The following MAST4 variants were observed in gnomAD, a reference collection of about 807,000 sequenced individuals.
MAST4 encodes the protein microtubule associated serine/threonine kinase family member 4, also known as microtubule-associated serine/threonine-protein kinase 4.
A neutral mutation model predicts 162.7 loss-of-function variants in MAST4; 89 were observed. The observed-to-expected ratio is 0.55, with a 90% CI of 0.46 to 0.65. The LOEUF (loss-of-function observed/expected upper bound fraction) is 0.65. Among genes scored for constraint, MAST4 ranks in the 30% least tolerant of loss-of-function variants. The pLI, the probability that MAST4 is intolerant of heterozygous loss-of-function variation, is 0.00. For synonymous variants in MAST4, 1,479 were observed against 1,361.1 expected (o/e 1.09, Z -1.91); for missense variants, 3,153 against 3,374.0 (o/e 0.93, Z 1.62).
intron 6 of MAST4, among the ~76,000 whole-genome samples, chr5:67,092,539 T>G (rs1763983156): frequency 6.6e-6 from 1 of 152,228 alleles, no homozygotes; most frequent in African/African-American, 2.4e-5. Context: ...CACCTGATTG[T>G]GGACCTACTT....
intron 2 of MAST4, among the ~76,000 whole-genome samples, chr5:66,782,486 G>A (rs33696): frequency 0.78 from 118,724 of 152,118 alleles, 46,920 homozygotes; most frequent in Non-Finnish European, 0.85. Context: ...ACCAGTACAA[G>A]AAGTCCATTC....
Position 67,168,489 on chromosome 5 carries a change from CT to C in MAST4, c.*1439del, listed in dbSNP as rs1188216480. 27 of 152,194 alleles carry C rather than the reference CT, an allele frequency of 1.8e-4. No homozygotes were observed. The highest frequency in any genetic ancestry group is 6.5e-4 in the African/African-American group (27 of 41,520). 9.4% of individuals were successfully genotyped at this position (152,194 alleles called of 1,614,324 possible). ...TAGAATTTGTCAAATCATTTTAGTG[CT>C]GAAGGTTTTTGATTTCTTGTTTTTG... On this transcript the variant is annotated 3_prime_UTR_variant, in exon 29 of 29. Transcript: ENST00000403625.
chr5:66,768,072 C>T (rs184672955), intron 2 of MAST4, among the ~76,000 whole-genome samples: 9 of 152,002 alleles, frequency 5.9e-5, no homozygotes, highest in South Asian at 2.1e-4. Context: ...TGGGATAAGA[C>T]AAAATAGTCA....
chr5:67,001,945 A>C (rs1751346750), intron 4 of MAST4: 1 of 152,188 alleles, frequency 6.6e-6, no homozygotes, highest in Non-Finnish European at 1.5e-5. Flanking sequence ...TACTTTCCAC[A>C]GAGTTCTTCA....
chr5:66,880,325 C>T (rs1761609491), intron 3 of MAST4, among the ~76,000 whole-genome samples: 2 of 152,174 alleles, frequency 1.3e-5, no homozygotes, highest in South Asian at 4.1e-4. Context: ...GTGGTTCTCT[C>T]TGGGAGAGAA....
At chr5:66,958,230 C>G (rs1745566588) in intron 4 of MAST4, among the ~76,000 whole-genome samples, 2 of 152,076 alleles carry the variant, frequency 1.3e-5, no homozygotes, top group Non-Finnish European at 2.9e-5. Context: ...AAATAAAGCT[C>G]TAATTTGTTC....
chr5:66,773,716 CT>C (rs1363587681), intron 2 of MAST4, among the ~76,000 whole-genome samples: 1 of 152,208 alleles, frequency 6.6e-6, no homozygotes, highest in Non-Finnish European at 1.5e-5. Flanking sequence ...CATTCTCCTT[CT>C]GCCATGCAAG....
At chr5:67,073,191 ACTGTGCCAGAGCAGGTCCAG>A (rs545424054) in intron 5 of MAST4, among the ~76,000 whole-genome samples, 210 of 152,314 alleles carry the variant, frequency 1.4e-3, no homozygotes, top group Non-Finnish European at 2.4e-3. Context: ...ACACCATGGC[ACTGTGCCAGAGCAGGTCCAG>A]CTCCTGCTGC....
Position 66,870,799 on chromosome 5 carries a change from C to G in MAST4, c.643-29152C>G, listed in dbSNP as rs1311316676. ...TCAGGAAGGGCAGCCTCCGAAGAGC[C>G]ATTTCAACTCAGCCCGACATCGCCA... is the stretch of plus-strand genomic sequence containing the variant. On this transcript the variant is annotated intron_variant, in intron 3 of 28. Transcript: ENST00000403625. 5.3e-5 allele frequency: 25 copies of G among 471,456 alleles called. No individual in the cohort carries two copies. In the Admixed American group the frequency reaches 5.4e-4, roughly 10 times the overall value. 29.2% of individuals were successfully genotyped at this position (471,456 alleles called of 1,614,324 possible).
At chr5:66,851,829 C>T (rs911027614) in intron 3 of MAST4, among the ~76,000 whole-genome samples, 12 of 152,116 alleles carry the variant, frequency 7.9e-5, no homozygotes, top group Non-Finnish European at 1.8e-4. Context: ...TTCTTTTTGA[C>T]TGTTTTCAGA....
intron 4 of MAST4, among the ~76,000 whole-genome samples, chr5:67,014,095 A>AT (rs11389039): frequency 0.039 from 5,684 of 147,528 alleles, 242 homozygotes; most frequent in African/African-American, 0.11. Flanking sequence ...GCTATGTCAG[A>AT]TTTTTTTTTT....
At chr5:66,993,537 G>A (rs1215203192) in intron 4 of MAST4, among the ~76,000 whole-genome samples, 5 of 152,176 alleles carry the variant, frequency 3.3e-5, no homozygotes, top group Admixed American at 1.3e-4. Flanking sequence ...TATGTCTGCA[G>A]GAAAAGGTCA....
At chr5:67,043,891 A>G (rs923186858) in intron 4 of MAST4, among the ~76,000 whole-genome samples, 1 of 152,076 alleles carries the variant, frequency 6.6e-6, no homozygotes, top group South Asian at 2.1e-4. Flanking sequence ...TGGACAGCCA[A>G]CCACTTGGAT....
chr5:66,888,696 A>T (rs1762193032), intron 3 of MAST4, among the ~76,000 whole-genome samples: 1 of 152,240 alleles, frequency 6.6e-6, no homozygotes, highest in Admixed American at 6.5e-5. Context: ...TCGTCCCCTG[A>T]TGGGTCCTGG....
intron 3 of MAST4, among the ~76,000 whole-genome samples, chr5:66,891,341 C>T (rs115113678): frequency 1.8e-3 from 281 of 152,272 alleles, no homozygotes; most frequent in African/African-American, 6.5e-3. Context: ...CCCTCCTCCT[C>T]CTCCTCACTG....
chr5:66,694,793 G>C (rs751614324), intron 1 of MAST4, among the ~76,000 whole-genome samples: 1 of 152,124 alleles, frequency 6.6e-6, no homozygotes, highest in African/African-American at 2.4e-5. Context: ...AGCCAATCTT[G>C]AGCTTTTTCT....
At chr5:67,158,715 C>T (rs1302228986) in intron 26 of MAST4, among the ~76,000 whole-genome samples, 1 of 152,092 alleles carries the variant, frequency 6.6e-6, no homozygotes, top group Non-Finnish European at 1.5e-5. Context: ...TAAGGGACAA[C>T]ATCAAACTGT....
rs763876338 is a variant in MAST4, at chr5:67,104,417, C to A, written c.1198C>A (p.Pro400Thr). ...RLKEIITSYS[P>T]DNVLPLADGV... is the part of the protein sequence containing the mutation. ...AAAGGAAATTATCACCAGCTACTCT[C>A]CTGACAACGTTCTACCCTTAGCAGA... Residue 400 changes from proline (P) to threonine (T), a missense_variant, in exon 10 of 29, where the codon CCT becomes ACT. Pro to Thr is a conservative substitution (Grantham distance 38). This residue lies in a region of MAST4 where 360 missense variants were observed against 450.0 expected (regional missense o/e 0.80). Coordinates refer to ENST00000403625, the MANE Select transcript of MAST4 (RefSeq NM_001164664.2). The A allele has an allele frequency of 1.2e-6, 2 of 1,613,780 alleles. No individual in the cohort carries two copies. Among genetic ancestry groups the A allele is most frequent in the Admixed American group, 1.7e-5 (1 of 60,002 alleles).
chr5:67,141,074 C>T (rs912915002), intron 19 of MAST4, among the ~76,000 whole-genome samples: 7 of 152,174 alleles, frequency 4.6e-5, no homozygotes, highest in African/African-American at 1.7e-4. Context: ...GATCCACAGA[C>T]AGCAACCCCC....
Sources: gnomAD v4.1 joint callset for allele counts (sites outside exome capture counted in the v4.1 genomes callset) on GRCh38, gnomAD v4.1.1 for gene constraint, gnomAD v4.1.1 regional missense constraint, MANE v1.5 for transcripts, NCBI Gene and HGNC (gene_info 2026-07-23, HGNC 2026-07-21) for gene names.